DGKB: variants seen among roughly 807,000 people sequenced by gnomAD.
The protein encoded by DGKB is 90 kDa diacylglycerol kinase.
Under a neutral mutation model 114.3 loss-of-function variants are expected in DGKB, and 67 were observed. That is an observed-to-expected ratio of 0.59 (90% confidence interval 0.48 to 0.72). The LOEUF (loss-of-function observed/expected upper bound fraction) is 0.72, where lower values mean the gene tolerates loss of function less well. Among genes scored for constraint, DGKB ranks in the 30% least tolerant of loss-of-function variants. The pLI is 0.00. For synonymous variants in DGKB, 398 were observed against 323.1 expected, an observed-to-expected ratio of 1.23 and a Z score of -2.49; for missense variants, 907 against 975.2, an observed-to-expected ratio of 0.93 and a Z score of 0.93.
intron 21 of DGKB, among the ~76,000 whole-genome samples, chr7:14,356,110 G>T (rs901338113): frequency 6.6e-6 from 1 of 152,084 alleles, no homozygotes; most frequent in Non-Finnish European, 1.5e-5. Flanking sequence ...ATTTCTGTGG[G>T]ATCAGTGGTG....
chr7:14,947,195 G>A (rs1668755824), intron 1 of DGKB, among the ~76,000 whole-genome samples: 1 of 151,586 alleles, frequency 6.6e-6, no homozygotes, highest in Admixed American at 6.6e-5. Context: ...TAATGTTTCA[G>A]TTTGTTATGT....
intron 13 of DGKB, among the ~76,000 whole-genome samples, chr7:14,668,969 C>T (rs746844650): frequency 6.6e-6 from 1 of 151,946 alleles, no homozygotes; most frequent in Non-Finnish European, 1.5e-5. Context: ...TCATCCAAGC[C>T]GACTGGAATT....
At chr7:14,957,453 T>G (rs1325016557) in intron 1 of DGKB, among the ~76,000 whole-genome samples, 1 of 151,978 alleles carries the variant, frequency 6.6e-6, no homozygotes, top group Non-Finnish European at 1.5e-5. Context: ...CAAAAGAGCA[T>G]GATAATATAA....
chr7:14,526,172 A>T (rs1270484994), intron 20 of DGKB, among the ~76,000 whole-genome samples: 1 of 152,192 alleles, frequency 6.6e-6, no homozygotes, highest in Non-Finnish European at 1.5e-5. Context: ...TATCAAGGTC[A>T]ATTCAGTGTG....
intron 17 of DGKB, among the ~76,000 whole-genome samples, chr7:14,592,118 T>A (rs1217890307): frequency 2.6e-5 from 4 of 151,720 alleles, no homozygotes; most frequent in Non-Finnish European, 5.9e-5. Flanking sequence ...AGTATATATA[T>A]TATAAATCAT....
chr7:14,308,688 T>C (rs762386261), intron 23 of DGKB, among the ~76,000 whole-genome samples: 11 of 152,042 alleles, frequency 7.2e-5, no homozygotes, highest in Non-Finnish European at 1.3e-4. Flanking sequence ...AAAAGGGAAA[T>C]GTGTGGGCTA....
At chr7:14,661,417 A>T (rs1426229434) in intron 13 of DGKB, among the ~76,000 whole-genome samples, 1 of 140,894 alleles carries the variant, frequency 7.1e-6, no homozygotes, top group Non-Finnish European at 1.6e-5. Flanking sequence ...CACTTCTCAA[A>T]AGAAGACATT....
At chr7:14,313,637 A>G (rs1330748638) in intron 23 of DGKB, among the ~76,000 whole-genome samples, 2 of 152,128 alleles carry the variant, frequency 1.3e-5, no homozygotes, top group Non-Finnish European at 2.9e-5. Context: ...TCCTACGCCC[A>G]CGGAGTCTCG....
chr7:14,835,893 C>G (rs1169591191), intron 2 of DGKB, among the ~76,000 whole-genome samples: 1 of 152,150 alleles, frequency 6.6e-6, no homozygotes, highest in African/African-American at 2.4e-5. Flanking sequence ...CCATAAACAG[C>G]AATAATTTGT....
intron 20 of DGKB, among the ~76,000 whole-genome samples, chr7:14,493,951 C>G (rs964376165): frequency 1.3e-5 from 2 of 151,374 alleles, no homozygotes; most frequent in Admixed American, 6.6e-5. Flanking sequence ...CACACACACA[C>G]ACACACACAC....
In DGKB at chr7:14,265,873, T is replaced by C. The variant is rs569453432; in HGVS notation, c.2122+72642A>G. On this transcript the variant is annotated intron_variant, in intron 23 of 25. Coordinates refer to ENST00000402815, the MANE Select transcript of DGKB (RefSeq NM_001350709.2). ...TGCTTATTCTGGCAAAGTAAACATA[T>C]ATAAAACAATTTCCAAATTGGGGTG... Among the ~76,000 whole-genome samples, 260 of 152,354 alleles carry C rather than the reference T, an allele frequency of 1.7e-3. 2 individuals are homozygous for C. The highest frequency in any genetic ancestry group is 6.0e-3 in the African/African-American group (248 of 41,584).
chr7:14,150,747 A>AT (rs1017355512), intron 25 of DGKB, among the ~76,000 whole-genome samples: 1 of 152,066 alleles, frequency 6.6e-6, no homozygotes, highest in African/African-American at 2.4e-5. Flanking sequence ...TCTATATCAG[A>AT]TTTTCTCTCA....
chr7:14,801,580 T>G (rs1015731454), intron 2 of DGKB, among the ~76,000 whole-genome samples: 2 of 152,060 alleles, frequency 1.3e-5, no homozygotes, highest in African/African-American at 4.8e-5. Context: ...ATGGAAGAAT[T>G]TGTCCCTTTT....
Position 14,178,233 on chromosome 7 carries a change from A to G in DGKB, c.2123-82T>C, listed in dbSNP as rs185710830. 425 of 1,318,326 alleles carry G rather than the reference A, an allele frequency of 3.2e-4. 3 individuals are homozygous for G. In the East Asian group the frequency reaches 0.011, roughly 35 times the overall value. 81.7% of individuals were successfully genotyped at this position (1,318,326 alleles called of 1,614,324 possible). A position where few individuals can be genotyped will look rare whatever the true frequency, so the allele number is the denominator to read the frequency against. On this transcript the variant is annotated intron_variant, in intron 23 of 25. Coordinates refer to ENST00000402815, the MANE Select transcript of DGKB (RefSeq NM_001350709.2). Reference sequence around the variant, plus strand: ...AATGCCATTTGATATTATGGAGATTAAAAAAAATAACAGCCACTTCACAAA... The same window carrying G: ...AATGCCATTTGATATTATGGAGATTGAAAAAAATAACAGCCACTTCACAAA...
chr7:14,352,134 T>C (rs1479594039), intron 21 of DGKB, among the ~76,000 whole-genome samples: 1 of 152,144 alleles, frequency 6.6e-6, no homozygotes, highest in Non-Finnish European at 1.5e-5. Flanking sequence ...TGAAATAAGC[T>C]ACAGAAACTT....
rs77791183 is a variant in DGKB, at chr7:14,902,201, A to G, written c.-188+391T>C. Among the ~76,000 whole-genome samples the G allele has an allele frequency of 3.2e-4, 49 of 152,298 alleles. No individual in the cohort carries two copies. The East Asian group carries it at 9.3e-3, about 29-fold the overall frequency. On this transcript the variant is annotated intron_variant, in intron 1 of 25. Transcript: ENST00000402815. ...GGAATAAATCTGGACTGGAACTTGT[A>G]ACAATTAACTAGGGCATTTGAAAGT...
intron 1 of DGKB, among the ~76,000 whole-genome samples, chr7:14,849,507 C>T (rs1349339992): frequency 6.6e-6 from 1 of 152,020 alleles, no homozygotes; most frequent in Non-Finnish European, 1.5e-5. Context: ...AGGCCCTCAC[C>T]AGATGCTGGC....
At chr7:14,858,540 C>A (rs1005405985) in intron 1 of DGKB, among the ~76,000 whole-genome samples, 4 of 152,098 alleles carry the variant, frequency 2.6e-5, no homozygotes, top group African/African-American at 7.2e-5. Context: ...GGAGCAGGAA[C>A]AAACAAGATT....
rs1383709715 is a variant in DGKB at position 14,169,290 on chromosome 7, G to A, written c.2304+7549C>T. The stretch of plus-strand genomic sequence containing the variant: ...TGAGGCAGGAGAATGGCGTGAACCC[G>A]GGAGGTGGAGATTGCAGTGAGCCGA... On this transcript the variant is annotated intron_variant, in intron 25 of 25. Transcript: ENST00000402815. Among the ~76,000 whole-genome samples the A allele has an allele frequency of 1.7e-4, 26 of 151,190 alleles. No individual in the cohort carries two copies. The Middle Eastern group carries it at 0.01, about 60-fold the overall frequency.
Sources: allele counts gnomAD v4.1 joint callset (sites outside exome capture counted in the v4.1 genomes callset), GRCh38; gene constraint gnomAD v4.1.1; transcripts MANE v1.5; gene names NCBI Gene and HGNC (gene_info 2026-07-23, HGNC 2026-07-21).